Variants in RPRD2 observed in about 807,000 individuals in gnomAD.
RPRD2 encodes regulation of nuclear pre-mRNA domain containing 2.
Under a neutral mutation model 104.4 loss-of-function variants are expected in RPRD2, and 12 were observed. The ratio of observed to expected loss-of-function variants is 0.11; its 90% CI spans 0.07 to 0.19. The LOEUF is 0.19. RPRD2 is among the 10% of genes least tolerant of loss of function. The pLI is 1.00. For synonymous variants in RPRD2, 714 were observed against 684.9 expected, an observed-to-expected ratio of 1.04 and a Z score of -0.66; for missense variants, 1,543 against 1,790.1, an observed-to-expected ratio of 0.86 and a Z score of 2.49.
At chr1:150,426,099 TCAAA>T (rs377101830) in intron 2 of RPRD2, among the ~76,000 whole-genome samples, 41 of 152,180 alleles carry the variant, frequency 2.7e-4, no homozygotes, top group East Asian at 9.7e-4. Context: ...AGACCCTGTC[TCAAA>T]CAAACAAACA....
chr1:150,364,746 A>G lies in RPRD2; in HGVS notation c.32A>G (p.Lys11Arg), dbSNP rs587673515. The change falls in exon 1 of 11, where the codon AAG (lysine) becomes AGG (arginine). Residue 11 changes from lysine to arginine, a missense_variant. This residue lies in a region of RPRD2 where 88 missense variants were observed against 96.6 expected (regional missense o/e 0.91). Coordinates refer to ENST00000369068, the MANE Select transcript of RPRD2 (RefSeq NM_015203.5). MAAGGGGGSS[K>R]ASSSSASSAG... ...GCCGGCGGCGGCGGAGGCAGCAGTA[A>G]GGCCTCCTCCTCGTCGGCCTCTTCG... 1.9e-6 allele frequency: 3 copies of G among 1,593,870 alleles called. No homozygotes were observed. The African/African-American group carries it at 4.0e-5, about 21-fold the overall frequency.
chr1:150,434,587 G>A (rs964375893), intron 2 of RPRD2, among the ~76,000 whole-genome samples: 12 of 151,992 alleles, frequency 7.9e-5, no homozygotes, highest in South Asian at 2.1e-4. Context: ...AGGCCGAGGC[G>A]GGTGGATCAT....
chr1:150,422,367 T>TAATAATAATAATAATAATAATAAC (rs1407375626), intron 2 of RPRD2, among the ~76,000 whole-genome samples: 1 of 111,996 alleles, frequency 8.9e-6, no homozygotes, highest in East Asian at 2.1e-4. Flanking sequence ...ATAATAATAA[T>TAATAATAATAATAATAATAATAAC]AAATAAAATT....
Position 150,473,537 on chromosome 1 carries a change from T to G in RPRD2, c.*203T>G. The G allele has an allele frequency of 1.8e-5, 4 of 222,434 alleles. No individual in the cohort carries two copies. The highest frequency in any genetic ancestry group is 2.5e-5 in the Non-Finnish European group (3 of 121,258). 13.8% of individuals were successfully genotyped at this position (222,434 alleles called of 1,614,324 possible). A position where few individuals can be genotyped will look rare whatever the true frequency, so the allele number is the denominator to read the frequency against. On this transcript the variant is annotated 3_prime_UTR_variant, in exon 11 of 11. Transcript: ENST00000369068. The stretch of plus-strand genomic sequence containing the variant: ...CTCCCTCCCATTGCACTTATCTACC[T>G]TCCCCAAGTTGTTTGTATTAAAAAA...
chr1:150,407,893 C>CTAGTTAT (rs753151454), intron 1 of RPRD2, among the ~76,000 whole-genome samples: 168 of 152,030 alleles, frequency 1.1e-3, no homozygotes, highest in Non-Finnish European at 2.2e-3. Context: ...CTAATCTAAA[C>CTAGTTAT]TAGTTATTTT....
At chr1:150,436,130 GAAAAAA>G (rs587754906) in intron 2 of RPRD2, among the ~76,000 whole-genome samples, 3 of 129,654 alleles carry the variant, frequency 2.3e-5, no homozygotes. Context: ...CTTGTTCAGG[GAAAAAA>G]AAAAAAAAAC....
intron 2 of RPRD2, among the ~76,000 whole-genome samples, chr1:150,430,493 T>G (rs1203859941): frequency 6.6e-6 from 1 of 152,018 alleles, no homozygotes; most frequent in Non-Finnish European, 1.5e-5. Context: ...CAGTGGGACC[T>G]CATTTCTATA....
chr1:150,395,962 G>A (rs587645461), intron 1 of RPRD2, among the ~76,000 whole-genome samples: 1 of 152,318 alleles, frequency 6.6e-6, no homozygotes, highest in Non-Finnish European at 1.5e-5. Context: ...CCCACCAGCA[G>A]TGTAGAAGTG....
chr1:150,424,185 T>C (rs1553890186), intron 2 of RPRD2, among the ~76,000 whole-genome samples: 1 of 152,218 alleles, frequency 6.6e-6, no homozygotes, highest in East Asian at 1.9e-4. Context: ...GTCCTACTCC[T>C]ACAGTTTCAA....
At position 150,472,958 on chromosome 1, in the gene RPRD2, C is replaced by G; in HGVS notation, c.4010C>G (p.Ala1337Gly). ...DHSSLLQGTL[A>G]EHFGVLPGPR... ...AGTTCCCTCCTTCAAGGGACCCTGG[C>G]TGAGCATTTTGGGGTACTCCCAGGA... Residue 1337 changes from alanine to glycine, a missense_variant, in exon 11 of 11, where the codon GCT (alanine) becomes GGT (glycine). By Grantham distance (60) the Ala-to-Gly change is moderately conservative. Transcript: ENST00000369068. 1 of 1,613,868 alleles carries G rather than the reference C, an allele frequency of 6.2e-7. No individual in the cohort carries two copies. The highest frequency in any genetic ancestry group is 8.5e-7 in the Non-Finnish European group (1 of 1,179,798).
intron 1 of RPRD2, among the ~76,000 whole-genome samples, chr1:150,392,539 C>T (rs1480454125): frequency 6.6e-6 from 1 of 152,114 alleles, no homozygotes; most frequent in African/African-American, 2.4e-5. Context: ...AACTTTCAGC[C>T]ACTAGAAGGG....
At position 150,417,680 on chromosome 1, in the gene RPRD2, G is replaced by A. The variant is rs1175617420; in HGVS notation, c.290G>A (p.Arg97His). Residue 97 changes from arginine (R) to histidine (H), a missense_variant, in exon 2 of 11, where the codon CGT becomes CAT. Arg to His is a conservative substitution (Grantham distance 29). Coordinates refer to ENST00000369068, the MANE Select transcript of RPRD2 (RefSeq NM_015203.5). Reference protein sequence around the residue: ...NCKRKNAIIFRESFADVLPEA... With the variant: ...NCKRKNAIIFHESFADVLPEA... ...AAAAGGAAAAATGCAATCATATTCC[G>A]TGAATCATTTGCTGATGTACTTCCT... The A allele has an allele frequency of 2.5e-6, 4 of 1,607,582 alleles. No individual in the cohort carries two copies. The highest frequency in any genetic ancestry group is 1.1e-5 in the South Asian group (1 of 90,350).
chr1:150,419,004 T>G (rs1224552606), intron 2 of RPRD2, among the ~76,000 whole-genome samples: 1 of 152,128 alleles, frequency 6.6e-6, no homozygotes, highest in African/African-American at 2.4e-5. Flanking sequence ...AGAGTGAAAC[T>G]CCGTCTCAAA....
rs922520293 is a variant in RPRD2 at position 150,475,539 on chromosome 1, G to A, written c.*2205G>A. Reference sequence around the variant, plus strand: ...AAGGAAGACTTTGTTGGACAGTTTCGAAGGTGGGCTTTTAAGGAGTTGGGT... The same window carrying A: ...AAGGAAGACTTTGTTGGACAGTTTCAAAGGTGGGCTTTTAAGGAGTTGGGT... On this transcript the variant is annotated 3_prime_UTR_variant, in exon 11 of 11. Transcript: ENST00000369068. 3.3e-5 allele frequency: 5 copies of A among 152,542 alleles called. No homozygotes were observed. The highest frequency in any genetic ancestry group is 7.2e-5 in the African/African-American group (3 of 41,414). 9.4% of individuals were successfully genotyped at this position (152,542 alleles called of 1,614,324 possible).
At chr1:150,439,798 C>G (rs781869293) in intron 2 of RPRD2, among the ~76,000 whole-genome samples, 7 of 152,050 alleles carry the variant, frequency 4.6e-5, no homozygotes, top group Non-Finnish European at 1.0e-4. Context: ...ATACTTTTGT[C>G]CTTGTTTTGC....
chr1:150,418,032 A>G (rs1308628035), intron 2 of RPRD2, among the ~76,000 whole-genome samples: 3 of 150,408 alleles, frequency 2.0e-5, no homozygotes, highest in Non-Finnish European at 4.4e-5. Flanking sequence ...CAGTGGCGCG[A>G]TCTCGGCTCG....
chr1:150,464,583 A>G lies in RPRD2; in HGVS notation c.1468A>G (p.Thr490Ala). 1 of 1,606,138 alleles carries G rather than the reference A, an allele frequency of 6.2e-7. No individual in the cohort carries two copies. The highest frequency in any genetic ancestry group is 8.5e-7 in the Non-Finnish European group (1 of 1,176,068). ...PGTPTSPSNL[T>A]SGLKTPAPAT... ...AACGCCCACCAGCCCCAGCAACCTC[A>G]CCAGTGGCCTGAAAACACCTGCACC... Residue 490 changes from threonine (T) to alanine (A), a missense_variant, in exon 10 of 11, where the codon ACC becomes GCC. Physicochemically the swap from Thr to Ala is moderately conservative, Grantham distance 58. Around this residue, in one of 4 missense-constraint regions of RPRD2, gnomAD observed 572 missense variants for 787.3 expected, o/e 0.73. Transcript: ENST00000369068.
At position 150,441,974 on chromosome 1, in the gene RPRD2, T is replaced by C; in HGVS notation, c.514+16T>C. The C allele has an allele frequency of 1.3e-6, 2 of 1,575,364 alleles. No homozygotes were observed. The highest frequency in any genetic ancestry group is 1.7e-6 in the Non-Finnish European group (2 of 1,149,944). ...AAATCACAAAGTAAGGAACAAAATC[T>C]CAACTAATATAAAATTACCTCCTCT... On this transcript the variant is annotated intron_variant, in intron 4 of 10. Transcript: ENST00000369068.
intron 2 of RPRD2, among the ~76,000 whole-genome samples, chr1:150,418,929 T>C (rs2102281378): frequency 6.6e-6 from 1 of 152,174 alleles, no homozygotes; most frequent in African/African-American, 2.4e-5. Context: ...GGAGAATGGC[T>C]TGAACCCAGG....
Sources: gnomAD v4.1 joint callset for allele counts (sites outside exome capture counted in the v4.1 genomes callset) on GRCh38, gnomAD v4.1.1 for gene constraint, gnomAD v4.1.1 regional missense constraint, MANE v1.5 for transcripts, NCBI Gene and HGNC (gene_info 2026-07-23, HGNC 2026-07-21) for gene names.